Variants in MYO9A observed in about 807,000 individuals in gnomAD.
MYO9A encodes unconventional myosin-IXa.
Under a neutral mutation model 293.3 loss-of-function variants are expected in MYO9A, and 103 were observed. The observed-to-expected ratio is 0.35, with a 90% CI of 0.30 to 0.41. The LOEUF is 0.41. Among genes scored for constraint, MYO9A ranks in the 10% least tolerant of loss-of-function variants. MYO9A has a pLI of 1.00. For missense variants in MYO9A, 2,685 were observed against 3,033.0 expected (o/e 0.89, Z 2.69); for synonymous variants, 1,001 against 1,035.7 (o/e 0.97, Z 0.64).
At chr15:72,097,430 A>G (rs1216986537) in intron 1 of MYO9A, among the ~76,000 whole-genome samples, 2 of 152,242 alleles carry the variant, frequency 1.3e-5, no homozygotes, top group Non-Finnish European at 2.9e-5. Flanking sequence ...TTTTGTAGAC[A>G]TGGTGCTATT....
intron 15 of MYO9A, among the ~76,000 whole-genome samples, chr15:71,949,396 G>A (rs113535120): frequency 6.6e-6 from 1 of 151,094 alleles, no homozygotes; most frequent in African/African-American, 2.4e-5. Context: ...TAGAGACAGG[G>A]TTTCACTATG....
chr15:71,970,433 T>C (rs2075979920), intron 12 of MYO9A, among the ~76,000 whole-genome samples: 1 of 152,128 alleles, frequency 6.6e-6, no homozygotes, highest in South Asian at 2.1e-4. Flanking sequence ...AAGGATATAT[T>C]TGACATTATA....
intron 2 of MYO9A, chr15:72,045,196 CT>C (rs2078347197): frequency 6.6e-6 from 1 of 152,308 alleles, no homozygotes. Context: ...GCTTCTCAGC[CT>C]TTTGGCTAAG....
chr15:72,041,172 G>C, intron 2 of MYO9A: 1 of 1,042,180 alleles, frequency 9.6e-7, no homozygotes. Flanking sequence ...TTAAGCCAGG[G>C]AGGTTGAGGC....
At position 71,968,077 on chromosome 15, in the gene MYO9A, T is replaced by C. The variant is rs1050591877; in HGVS notation, c.1893A>G (p.Gln631=). 6.2e-7 allele frequency: 1 copy of C among 1,611,774 alleles called. No individual in the cohort carries two copies. Among genetic ancestry groups the C allele is most frequent in the Non-Finnish European group, 8.5e-7 (1 of 1,178,938 alleles). Residue 631 remains glutamine (Q), a synonymous_variant, in exon 13 of 42, where the codon CAA becomes CAG. Coordinates refer to ENST00000356056, the MANE Select transcript of MYO9A (RefSeq NM_006901.4). ...NQTLLDKFKH[Q]HEDNSYIEFP... ...ATTCGATGTAAGAATTATCTTCATG[T>C]TGATGCTTAAACTTGTCTAGCAATG...
chr15:72,032,412 A>G, intron 3 of MYO9A, 82 bp downstream of exon 3: 1 of 838,002 alleles, frequency 1.2e-6, no homozygotes, highest in South Asian at 3.0e-5. Context: ...TCTGGGAATG[A>G]ACAATACATA....
intron 8 of MYO9A, among the ~76,000 whole-genome samples, chr15:72,003,196 G>A (rs1027200885): frequency 6.6e-6 from 1 of 151,296 alleles, no homozygotes; most frequent in Non-Finnish European, 1.5e-5. Context: ...TTGAACCTGG[G>A]AGGCAGAGAT....
Position 72,045,667 on chromosome 15 carries a change from C to A in MYO9A, c.840+57G>T, listed in dbSNP as rs568370642. On this transcript the variant is annotated intron_variant, in intron 2 of 41. Coordinates refer to ENST00000356056, the MANE Select transcript of MYO9A (RefSeq NM_006901.4). ...TACCTCCAGGAATGGTACACCCCCC[C>A]ACCTCAAAGGATAAAAATCAAAATT... The A allele has an allele frequency of 2.0e-3, 2,963 of 1,495,154 alleles. 7 individuals carry two copies. Among genetic ancestry groups the A allele is most frequent in the Non-Finnish European group, 2.4e-3 (2,723 of 1,126,862 alleles). 92.6% of individuals were successfully genotyped at this position (1,495,154 alleles called of 1,614,324 possible). A position where few individuals can be genotyped will look rare whatever the true frequency, so the allele number is the denominator to read the frequency against.
intron 2 of MYO9A, among the ~76,000 whole-genome samples, chr15:72,032,928 G>T (rs991701050): frequency 2.0e-5 from 3 of 152,110 alleles, no homozygotes; most frequent in Non-Finnish European, 4.4e-5. Flanking sequence ...TCGGCTCACT[G>T]CAACCTCTGC....
intron 12 of MYO9A, among the ~76,000 whole-genome samples, chr15:71,971,878 G>A (rs1189028450): frequency 6.6e-6 from 1 of 151,860 alleles, no homozygotes; most frequent in African/African-American, 2.4e-5. Flanking sequence ...GTAGTCTTTT[G>A]TTATAATGTT....
At chr15:71,899,434 A>C (rs1039952470) in intron 24 of MYO9A, among the ~76,000 whole-genome samples, 3 of 152,220 alleles carry the variant, frequency 2.0e-5, no homozygotes, top group African/African-American at 7.2e-5. Flanking sequence ...GATTCAGCCT[A>C]ATGTAGAAGT....
intron 1 of MYO9A, among the ~76,000 whole-genome samples, chr15:72,066,891 C>T (rs2150092888): frequency 1.3e-5 from 2 of 151,466 alleles, no homozygotes; most frequent in Middle Eastern, 6.8e-3. Context: ...AAGAAAACAA[C>T]AAATTAGTTA....
chr15:72,003,689 G>C (rs1392661275), intron 8 of MYO9A, among the ~76,000 whole-genome samples: 1 of 144,874 alleles, frequency 6.9e-6, no homozygotes, highest in Non-Finnish European at 1.5e-5. Flanking sequence ...GGGCGACAGA[G>C]CGAGACTCCG....
intron 38 of MYO9A, 112 bp from the exon 39 acceptor site, chr15:71,849,080 T>A: frequency 9.8e-7 from 1 of 1,021,854 alleles, no homozygotes; most frequent in Non-Finnish European, 1.4e-6. Flanking sequence ...AAAATTAACA[T>A]CCCTTACTTG....
At chr15:72,101,242 T>TG (rs1379602509) in intron 1 of MYO9A, among the ~76,000 whole-genome samples, 8 of 90,814 alleles carry the variant, frequency 8.8e-5, no homozygotes, top group Non-Finnish European at 1.3e-4. Flanking sequence ...GGGAGGGAGG[T>TG]GGGGGGGTCA....
intron 39 of MYO9A, among the ~76,000 whole-genome samples, chr15:71,845,037 A>C (rs560827580): frequency 3.7e-4 from 56 of 152,312 alleles, no homozygotes; most frequent in African/African-American, 1.3e-3. Flanking sequence ...AATTTTACTC[A>C]AAAATAGCAC....
chr15:71,978,370 T>C, intron 11 of MYO9A, 78 bp from the exon 12 acceptor site: 1 of 1,183,450 alleles, frequency 8.4e-7, no homozygotes, highest in Non-Finnish European at 1.2e-6. Flanking sequence ...GAAAAGCTTT[T>C]ACCCTGCTTA....
intron 14 of MYO9A, among the ~76,000 whole-genome samples, chr15:71,956,330 A>T (rs371943298): frequency 0.051 from 3,819 of 74,736 alleles, 188 homozygotes; most frequent in East Asian, 0.26. Flanking sequence ...AAAAAAAAAA[A>T]ATATATATAT....
intron 6 of MYO9A, among the ~76,000 whole-genome samples, chr15:72,013,300 G>T (rs2077228062): frequency 6.6e-6 from 1 of 152,150 alleles, no homozygotes; most frequent in African/African-American, 2.4e-5. Context: ...ATCAGTCATT[G>T]TTTGAAGACT....
Sources: allele counts gnomAD v4.1 joint callset (sites outside exome capture counted in the v4.1 genomes callset), GRCh38; gene constraint gnomAD v4.1.1; transcripts MANE v1.5; gene names NCBI Gene and HGNC (gene_info 2026-07-23, HGNC 2026-07-21).